The following SLC9A9 variants were observed in gnomAD, a reference collection of about 807,000 sequenced individuals.
SLC9A9 encodes solute carrier family 9 member A9.
In SLC9A9, 62 loss-of-function variants were observed where a neutral mutation model predicts 77.8. That is an observed-to-expected ratio of 0.80 (90% CI 0.65 to 0.98). The LOEUF (loss-of-function observed/expected upper bound fraction) is 0.98. Ranked by LOEUF, SLC9A9 falls within the 50% of genes least tolerant of loss-of-function variation. The probability of loss-of-function intolerance (pLI) is 0.00; values close to 1 mark genes in which losing one functional copy is unlikely to be tolerated. For missense variants in SLC9A9, 775 were observed against 774.9 expected (o/e 1.00, Z 0.00); for synonymous variants, 320 against 283.5 (o/e 1.13, Z -1.29).
chr3:143,847,066 T>G (rs895377220), intron 1 of SLC9A9, among the ~76,000 whole-genome samples: 1 of 152,142 alleles, frequency 6.6e-6, no homozygotes, highest in African/African-American at 2.4e-5. Context: ...TAGGATTCCT[T>G]AGGTTCTGAA....
At chr3:143,666,166 A>G (rs554344558) in intron 5 of SLC9A9, among the ~76,000 whole-genome samples, 4 of 152,364 alleles carry the variant, frequency 2.6e-5, no homozygotes, top group African/African-American at 9.6e-5. Flanking sequence ...CCTGGGATGC[A>G]AGGCTGGTCC....
intron 7 of SLC9A9, among the ~76,000 whole-genome samples, chr3:143,577,569 C>CT (rs2037381577): frequency 6.6e-6 from 1 of 152,190 alleles, no homozygotes; most frequent in Non-Finnish European, 1.5e-5. Flanking sequence ...CACTCACTTT[C>CT]TATCCCAGTC....
At chr3:143,796,532 A>T (rs915671292) in intron 3 of SLC9A9, among the ~76,000 whole-genome samples, 10 of 152,228 alleles carry the variant, frequency 6.6e-5, no homozygotes, top group African/African-American at 2.4e-4. Flanking sequence ...TTATTTGAAT[A>T]AATACAAAAT....
chr3:143,280,446 A>T (rs1467180970), intron 14 of SLC9A9, among the ~76,000 whole-genome samples: 1 of 150,714 alleles, frequency 6.6e-6, no homozygotes, highest in Non-Finnish European at 1.5e-5. Context: ...ATAGGGTCAC[A>T]TGTCACAAAT....
intron 4 of SLC9A9, among the ~76,000 whole-genome samples, chr3:143,704,404 C>T (rs1260843953): frequency 2.0e-5 from 3 of 152,050 alleles, no homozygotes; most frequent in African/African-American, 7.2e-5. Context: ...CCCAGGGAAG[C>T]AAGGATGTCT....
At chr3:143,562,329 T>C (rs1559968841) in intron 8 of SLC9A9, among the ~76,000 whole-genome samples, 1 of 152,022 alleles carries the variant, frequency 6.6e-6, no homozygotes, top group Non-Finnish European at 1.5e-5. Flanking sequence ...GGCAGAGGCA[T>C]TTGGGTCTTG....
chr3:143,793,409 A>C (rs751508215), intron 4 of SLC9A9, among the ~76,000 whole-genome samples: 3 of 152,242 alleles, frequency 2.0e-5, no homozygotes, highest in African/African-American at 4.8e-5. Flanking sequence ...ATGAGGTAAC[A>C]ATAAAAATTT....
At chr3:143,837,489 G>C (rs888878877) in intron 1 of SLC9A9, among the ~76,000 whole-genome samples, 1 of 152,070 alleles carries the variant, frequency 6.6e-6, no homozygotes, top group Admixed American at 6.6e-5. Context: ...ATGAGGCATC[G>C]CCAATTCTCT....
chr3:143,744,045 A>T (rs1383924140), intron 4 of SLC9A9, among the ~76,000 whole-genome samples: 2 of 152,194 alleles, frequency 1.3e-5, no homozygotes, highest in African/African-American at 4.8e-5. Flanking sequence ...AGCTAATAGG[A>T]TTAATAGTAT....
At chr3:143,700,230 G>C (rs149926949) in intron 4 of SLC9A9, among the ~76,000 whole-genome samples, 1 of 152,232 alleles carries the variant, frequency 6.6e-6, no homozygotes, top group African/African-American at 2.4e-5. Flanking sequence ...TCTGAGACTT[G>C]CTGATTTCAG....
At chr3:143,475,597 C>T (rs1017700031) in intron 11 of SLC9A9, among the ~76,000 whole-genome samples, 12 of 152,032 alleles carry the variant, frequency 7.9e-5, no homozygotes, top group African/African-American at 2.9e-4. Context: ...TCGAGACCAT[C>T]CTGGCTAACA....
At chr3:143,474,136 G>A (rs1280945392) in intron 11 of SLC9A9, among the ~76,000 whole-genome samples, 1 of 152,144 alleles carries the variant, frequency 6.6e-6, no homozygotes, top group Non-Finnish European at 1.5e-5. Context: ...TTCGGGAATA[G>A]TAGGTGCAAA....
intron 4 of SLC9A9, among the ~76,000 whole-genome samples, chr3:143,745,206 T>C (rs955351742): frequency 6.6e-6 from 1 of 152,120 alleles, no homozygotes; most frequent in African/African-American, 2.4e-5. Context: ...AAACACAGCA[T>C]AGAAACTGAT....
Position 143,355,643 on chromosome 3 carries a change from T to A in SLC9A9, c.1604+7841A>T, listed in dbSNP as rs554604272. On this transcript the variant is annotated intron_variant, in intron 14 of 15. Transcript: ENST00000316549. ...TACCATAGATGTGTTCCTGAAAAGC[T>A]CTCCATAAATCAGAAGTTTAAAAAC... Among the ~76,000 whole-genome samples, 17 of 152,278 alleles carry A rather than the reference T, an allele frequency of 1.1e-4. No homozygotes were observed. The East Asian group carries it at 3.1e-3, about 28-fold the overall frequency.
intron 9 of SLC9A9, among the ~76,000 whole-genome samples, chr3:143,551,506 T>C (rs1399714468): frequency 2.0e-5 from 3 of 152,244 alleles, no homozygotes; most frequent in Non-Finnish European, 4.4e-5. Context: ...TCCCTTGGCC[T>C]CAAATGCCCT....
chr3:143,296,204 A>G (rs762041507), intron 14 of SLC9A9, among the ~76,000 whole-genome samples: 3 of 152,214 alleles, frequency 2.0e-5, no homozygotes, highest in East Asian at 1.9e-4. Flanking sequence ...AGCTATGCCA[A>G]TTAAATAGCA....
intron 12 of SLC9A9, among the ~76,000 whole-genome samples, chr3:143,412,566 CACAG>C: frequency 6.6e-6 from 1 of 152,186 alleles, no homozygotes; most frequent in African/African-American, 2.4e-5. Flanking sequence ...TCTCTCTGTA[CACAG>C]TCCCCCACAT....
rs189406747 is a variant in SLC9A9, at chr3:143,285,941, C to T, written c.1605-16961G>A. 3.2e-3 allele frequency among the ~76,000 whole-genome samples: 492 copies of T among 152,136 alleles called. 2 individuals are homozygous for T. Among genetic ancestry groups the T allele is most frequent in the African/African-American group, 0.012 (479 of 41,490 alleles). On this transcript the variant is annotated intron_variant, in intron 14 of 15. Coordinates refer to ENST00000316549, the MANE Select transcript of SLC9A9 (RefSeq NM_173653.4). Reference sequence around the variant, plus strand: ...TTTTGAGGAGGTTCTATTCATGAGCCGGGTGTTTTGAGCATTTTAGTAATT... The same window carrying T: ...TTTTGAGGAGGTTCTATTCATGAGCTGGGTGTTTTGAGCATTTTAGTAATT...
intron 2 of SLC9A9, among the ~76,000 whole-genome samples, chr3:143,824,946 C>G (rs1393978937): frequency 6.6e-6 from 1 of 152,290 alleles, no homozygotes; most frequent in East Asian, 1.9e-4. Context: ...ACAGCCTCAT[C>G]CCATTTACTG....
Sources: allele counts gnomAD v4.1 joint callset (sites outside exome capture counted in the v4.1 genomes callset), GRCh38; gene constraint gnomAD v4.1.1; transcripts MANE v1.5; gene names NCBI Gene and HGNC (gene_info 2026-07-23, HGNC 2026-07-21).